The following NCOR2 variants were observed in gnomAD, a reference collection of about 807,000 sequenced individuals.
NCOR2 encodes the protein nuclear receptor corepressor 2.
Under a neutral mutation model 262.9 loss-of-function variants are expected in NCOR2, and 81 were observed. The ratio of observed to expected loss-of-function variants is 0.31; its 90% CI spans 0.26 to 0.37. NCOR2 has a LOEUF of 0.37. Among genes scored for constraint, NCOR2 ranks in the 10% least tolerant of loss-of-function variants. The pLI is 1.00. For synonymous variants in NCOR2, 1,659 were observed against 1,559.3 expected (o/e 1.06, Z -1.51); for missense variants, 3,385 against 3,621.4 (o/e 0.93, Z 1.68).
At chr12:124,342,926 A>G in intron 33 of NCOR2, 79 bp downstream of exon 35, 1 of 1,472,304 alleles carries the variant, frequency 6.8e-7, no homozygotes, top group Non-Finnish European at 9.2e-7. Context: ...ATGCCTAAGG[A>G]GTCCCTGAGC....
At chr12:124,546,420 T>C (rs750135777) in intron 1 of NCOR2, among the ~76,000 whole-genome samples, 22 of 152,128 alleles carry the variant, frequency 1.4e-4, no homozygotes, top group Non-Finnish European at 1.5e-5. Flanking sequence ...TTTGGGTTTT[T>C]GTTTTGTTTT....
intron 1 of NCOR2, among the ~76,000 whole-genome samples, chr12:124,554,031 C>A (rs2051802314): frequency 6.6e-6 from 1 of 152,212 alleles, no homozygotes; most frequent in Non-Finnish European, 1.5e-5. Context: ...TACGCTCTCA[C>A]AAACCCCCAC....
chr12:124,539,929 C>T (rs12424705), upstream of NCOR2, among the ~76,000 whole-genome samples: 13,587 of 152,202 alleles, frequency 0.089, 675 homozygotes, highest in South Asian at 0.14. The surrounding 1 kb of genome is among the most constrained non-coding windows in gnomAD (Gnocchi z 5.1). Context: ...CACAGCCACA[C>T]AGCTGCAAGA....
At chr12:124,365,900 G>A (rs1171951922) in intron 20 of NCOR2, among the ~76,000 whole-genome samples, 1 of 152,120 alleles carries the variant, frequency 6.6e-6, no homozygotes, top group Non-Finnish European at 1.5e-5. Flanking sequence ...GGTATCACCT[G>A]TCCCAACATT....
chr12:124,392,510 G>A (rs531601168), intron 16 of NCOR2, among the ~76,000 whole-genome samples: 131 of 152,230 alleles, frequency 8.6e-4, no homozygotes, highest in African/African-American at 2.9e-3. Context: ...CACAGCTCGA[G>A]TGTCGCCTCC....
At chr12:124,342,863 G>T in intron 33 of NCOR2, 142 bp downstream of exon 35, 1 of 811,740 alleles carries the variant, frequency 1.2e-6, no homozygotes, top group Non-Finnish European at 1.9e-6. Flanking sequence ...TACACTGTTG[G>T]GTCTTCCAAT....
At chr12:124,413,169 AC>A (rs57062516) in intron 13 of NCOR2, among the ~76,000 whole-genome samples, 2 of 151,610 alleles carry the variant, frequency 1.3e-5, no homozygotes, top group South Asian at 4.2e-4. Context: ...TGGGCCATGC[AC>A]CCCCCAACTC....
chr12:124,338,152 A>C (rs1253353346), intron 37 of NCOR2, among the ~76,000 whole-genome samples: 3 of 152,194 alleles, frequency 2.0e-5, no homozygotes, highest in Non-Finnish European at 2.9e-5. Flanking sequence ...TCCAAGCGGC[A>C]AGTTGGGGCA....
In NCOR2 at chr12:124,348,086, C is replaced by T. The variant is rs192141831; in HGVS notation, c.3985+88G>A. 35 of 1,578,376 alleles carry T rather than the reference C, an allele frequency of 2.2e-5. No individual in the cohort carries two copies. The East Asian group carries it at 5.0e-4, about 23-fold the overall frequency. The stretch of plus-strand genomic sequence containing the variant: ...GATGGAGCCTCAGAAAGCCCAGCCT[C>T]GGTTTCCCCATCTGTAAAACGGGGT... On this transcript the variant is annotated intron_variant, in intron 29 of 46. Coordinates refer to ENST00000405201, the Ensembl canonical transcript of NCOR2.
At chr12:124,384,388 A>G (rs2136104550) in intron 17 of NCOR2, among the ~76,000 whole-genome samples, 1 of 152,320 alleles carries the variant, frequency 6.6e-6, no homozygotes, top group African/African-American at 2.4e-5. Flanking sequence ...TGAAGCCCTG[A>G]GCTCTGGGGA....
chr12:124,501,401 T>C (rs2048726719), intron 1 of NCOR2, among the ~76,000 whole-genome samples: 1 of 151,652 alleles, frequency 6.6e-6, no homozygotes. Flanking sequence ...ACAGACTGCA[T>C]GGCTTCAAGC....
In NCOR2 at chr12:124,344,759, A is replaced by T. The variant is rs75902515; in HGVS notation, c.4552T>A (p.Ser1518Thr). The T allele has an allele frequency of 1.9e-3, 2,870 of 1,548,976 alleles. 34 individuals are homozygous for T. The African/African-American group carries it at 0.026, about 14-fold the overall frequency. ...GCGCCGCGCGCAATGGAGCCCCCCG[A>T]GCTGCTGGCGGTCCCTGGCCGGCTC... is the stretch of plus-strand genomic sequence containing the variant. Residue 1518 changes from serine to threonine, a missense_variant, in exon 32 of 47, where the codon TCG becomes ACG. This residue lies in a region of NCOR2 where 1,615 missense variants were observed against 1,626.9 expected (regional missense o/e 0.99). Transcript: ENST00000405201.
intron 3 of NCOR2, among the ~76,000 whole-genome samples, chr12:124,476,849 T>TC (rs1436449357): frequency 6.6e-6 from 1 of 151,022 alleles, no homozygotes; most frequent in African/African-American, 2.4e-5. Context: ...GAGGATTGCT[T>TC]GAGCCCAGGA....
chr12:124,433,249 G>C (rs968887600), intron 8 of NCOR2, among the ~76,000 whole-genome samples: 1 of 152,220 alleles, frequency 6.6e-6, no homozygotes, highest in Non-Finnish European at 1.5e-5. Flanking sequence ...ACACGTGCTC[G>C]GGGCAGTGGC....
upstream of NCOR2, among the ~76,000 whole-genome samples, chr12:124,496,428 C>G (rs535744797): frequency 6.6e-6 from 1 of 152,248 alleles, no homozygotes; most frequent in East Asian, 1.9e-4. The surrounding 1 kb of genome is among the most constrained non-coding windows in gnomAD (Gnocchi z 4.4). Context: ...CACACACCCC[C>G]CAGAGCTGAG....
At chr12:124,385,299 C>T (rs986350451) in intron 17 of NCOR2, among the ~76,000 whole-genome samples, 4 of 152,202 alleles carry the variant, frequency 2.6e-5, no homozygotes, top group Non-Finnish European at 5.9e-5. Flanking sequence ...CCTCCCCAAC[C>T]ACGGCAGCCC....
At chr12:124,388,651 G>A (rs1162484461) in intron 16 of NCOR2, 2 of 1,303,536 alleles carry the variant, frequency 1.5e-6, no homozygotes, top group South Asian at 2.5e-5. Context: ...TGCACCCGCA[G>A]TCCCCCATCC....
intron 8 of NCOR2, among the ~76,000 whole-genome samples, chr12:124,435,678 C>A (rs556185741): frequency 6.6e-6 from 1 of 152,298 alleles, no homozygotes; most frequent in African/African-American, 2.4e-5. Context: ...TGCCCAGGAC[C>A]CCATGCCTGC....
chr12:124,501,365 G>A lies in NCOR2; in HGVS notation c.-117-5997C>T, dbSNP rs142202205. ...GCACGGCACCTGGCACACACGAGGC[G>A]TATTAGCGCCCTCGGCTGCCCCACC... On this transcript the variant is annotated intron_variant, in intron 1 of 46. Transcript: ENST00000404621. Among the ~76,000 whole-genome samples the A allele has an allele frequency of 5.3e-5, 8 of 151,996 alleles. No homozygotes were observed. In the East Asian group the frequency reaches 1.4e-3, roughly 26 times the overall value.
Sources: allele counts gnomAD v4.1 joint callset (sites outside exome capture counted in the v4.1 genomes callset), GRCh38; gene constraint gnomAD v4.1.1; regional missense constraint gnomAD v4.1.1; non-coding constraint Gnocchi (gnomAD v3.1); transcripts MANE v1.5; gene names NCBI Gene and HGNC (gene_info 2026-07-23, HGNC 2026-07-21).